The following SKA2 variants were observed in gnomAD, a reference collection of about 807,000 sequenced individuals.
SKA2 encodes spindle and kinetochore associated complex subunit 2, also known as spindle and kinetochore-associated protein 2.
A neutral mutation model predicts 16.9 loss-of-function variants in SKA2; 13 were observed. That is an observed-to-expected ratio of 0.77 (90% CI 0.50 to 1.22). The LOEUF (loss-of-function observed/expected upper bound fraction) is 1.22. Ranked by LOEUF, SKA2 falls within the 50% of genes most tolerant of loss-of-function variation. SKA2 has a pLI of 0.00. For missense variants in SKA2, 107 were observed against 139.7 expected (o/e 0.77, Z 1.18); for synonymous variants, 47 against 48.5 (o/e 0.97, Z 0.13).
intron 2 of SKA2, among the ~76,000 whole-genome samples, chr17:59,127,865 T>C (rs2057030133): frequency 6.6e-6 from 1 of 152,168 alleles, no homozygotes; most frequent in Non-Finnish European, 1.5e-5. Context: ...TGTATGTTCA[T>C]AGCAGCCAAA....
chr17:59,114,001 G>A (rs1434176196), intron 3 of SKA2, among the ~76,000 whole-genome samples: 1 of 152,028 alleles, frequency 6.6e-6, no homozygotes, highest in African/African-American at 2.4e-5. Flanking sequence ...ACAGCAAATG[G>A]CTTTAACGGT....
At chr17:59,141,477 G>A (rs1229989571) in intron 1 of SKA2, among the ~76,000 whole-genome samples, 6 of 152,056 alleles carry the variant, frequency 3.9e-5, no homozygotes, top group Non-Finnish European at 2.9e-5. Flanking sequence ...TGTAATCCTA[G>A]CACTTGGGGA....
chr17:59,118,052 G>A (rs2046308484), intron 3 of SKA2: 1 of 152,158 alleles, frequency 6.6e-6, no homozygotes, highest in South Asian at 2.1e-4. Context: ...ATCATCTGAG[G>A]TCAGGAGTTC....
In SKA2 at chr17:59,112,158, AG is replaced by A; in HGVS notation, c.*118del. 1 of 722,234 alleles carries A rather than the reference AG, an allele frequency of 1.4e-6. No individual in the cohort carries two copies. Among genetic ancestry groups the A allele is most frequent in the Non-Finnish European group, 2.4e-6 (1 of 423,758 alleles). The allele number at this position is 722,234 out of a possible 1,614,324, so 44.7% of individuals were successfully genotyped here. On this transcript the variant is annotated 3_prime_UTR_variant, in exon 4 of 4. Coordinates refer to ENST00000330137, the MANE Select transcript of SKA2 (RefSeq NM_182620.4). ...AAAGATATCATTATCCAGTCATTGA[AG>A]CCAAACCCCCTTCACCAGCCCCCAA...
chr17:59,127,017 A>C (rs1049570105), intron 2 of SKA2, among the ~76,000 whole-genome samples: 1 of 152,232 alleles, frequency 6.6e-6, no homozygotes, highest in African/African-American at 2.4e-5. Context: ...ACAAAAAGAC[A>C]AATATTATAT....
intron 2 of SKA2, among the ~76,000 whole-genome samples, chr17:59,124,974 C>CTTTT (rs35130048): frequency 5.2e-5 from 7 of 135,094 alleles, no homozygotes; most frequent in African/African-American, 1.4e-4. Flanking sequence ...CCACTACATT[C>CTTTT]TTTTTTTTTT....
chr17:59,131,537 T>C (rs1433091703), intron 1 of SKA2, among the ~76,000 whole-genome samples, 170 bp from the exon 2 acceptor site: 1 of 152,238 alleles, frequency 6.6e-6, no homozygotes, highest in African/African-American at 2.4e-5. Flanking sequence ...ATAATAACTA[T>C]GCTCTATGAA....
chr17:59,145,443 C>T (rs2046524893), intron 1 of SKA2, among the ~76,000 whole-genome samples: 1 of 152,118 alleles, frequency 6.6e-6, no homozygotes. Context: ...TTTGCCCTCT[C>T]CTTCAGTTGG....
At chr17:59,153,038 T>C (rs1392387561) in intron 1 of SKA2, among the ~76,000 whole-genome samples, 1 of 152,204 alleles carries the variant, frequency 6.6e-6, no homozygotes, top group Admixed American at 6.5e-5. Context: ...TTCAAAATGT[T>C]TACTTCATCA....
chr17:59,154,891 A>C, intron 1 of SKA2: 3 of 1,562,556 alleles, frequency 1.9e-6, no homozygotes, highest in Non-Finnish European at 2.6e-6. Context: ...AGGAATTCCA[A>C]AGGCCCCGCA....
intron 2 of SKA2, among the ~76,000 whole-genome samples, chr17:59,120,039 G>C (rs2046322057): frequency 6.6e-6 from 1 of 151,796 alleles, no homozygotes; most frequent in Non-Finnish European, 1.5e-5. Flanking sequence ...CTCCGGAGTA[G>C]CTGGGACTAC....
intron 1 of SKA2, among the ~76,000 whole-genome samples, chr17:59,137,015 TC>T (rs1182726580): frequency 6.6e-6 from 1 of 152,126 alleles, no homozygotes; most frequent in African/African-American, 2.4e-5. Flanking sequence ...AAATGTAAAT[TC>T]TTTTTTTTCT....
intron 2 of SKA2, among the ~76,000 whole-genome samples, chr17:59,130,101 AG>A (rs1689555145): frequency 6.6e-6 from 1 of 152,072 alleles, no homozygotes; most frequent in African/African-American, 2.4e-5. Flanking sequence ...AGAAAAGAAT[AG>A]GGAGCTAGAA....
intron 1 of SKA2, among the ~76,000 whole-genome samples, chr17:59,151,575 T>A (rs1402142602): frequency 1.3e-5 from 2 of 152,182 alleles, no homozygotes; most frequent in African/African-American, 4.8e-5. Context: ...ATATTTTTGT[T>A]CTCTGCAGAG....
chr17:59,154,184 A>AAG lies in SKA2; in HGVS notation c.33+946_33+947insCT, dbSNP rs369435263. On this transcript the variant is annotated intron_variant, in intron 1 of 3. Transcript: ENST00000330137. The stretch of plus-strand genomic sequence containing the variant: ...CAGCCCAACCTGGGAAAAAAAAAAA[A>AAG]AAAGAAAAGAAAAGAAAAAAAAGAT... 5.7e-4 allele frequency among the ~76,000 whole-genome samples: 85 copies of AAG among 149,418 alleles called. 3 individuals carry two copies. The South Asian group carries it at 0.014, about 25-fold the overall frequency.
In SKA2 at chr17:59,142,927, C is replaced by CAAAAA. The variant is rs111796693; in HGVS notation, c.34-11565_34-11561dup. The stretch of plus-strand genomic sequence containing the variant: ...GGGCAACAAGAGCGTAACCCCATCT[C>CAAAAA]AAAAAAAAAAAAAAAAAAAAAAGAG... On this transcript the variant is annotated intron_variant, in intron 1 of 3. Coordinates refer to ENST00000330137, the MANE Select transcript of SKA2 (RefSeq NM_182620.4). Among the ~76,000 whole-genome samples the CAAAAA allele has an allele frequency of 5.2e-3, 312 of 60,300 alleles. 1 individual carries two copies. Among genetic ancestry groups the CAAAAA allele is most frequent in the Non-Finnish European group, 8.7e-3 (252 of 28,822 alleles). The allele number at this position is 60,300 out of a possible 152,430, so 39.6% of individuals were successfully genotyped here. A position where few individuals can be genotyped will look rare whatever the true frequency, so the allele number is the denominator to read the frequency against.
intron 1 of SKA2, among the ~76,000 whole-genome samples, chr17:59,140,296 C>T (rs2046478147): frequency 1.3e-5 from 2 of 151,686 alleles, no homozygotes; most frequent in African/African-American, 4.9e-5. Flanking sequence ...ATGGCACGAT[C>T]TCAGCTCACT....
intron 1 of SKA2, among the ~76,000 whole-genome samples, chr17:59,132,438 C>T (rs1049351965): frequency 2.4e-4 from 37 of 152,164 alleles, no homozygotes; most frequent in East Asian, 1.9e-4. Context: ...CTGAGGCGGG[C>T]GGGTCACTTC....
intron 1 of SKA2, chr17:59,137,833 G>A (rs761572832): frequency 1.9e-6 from 1 of 529,654 alleles, no homozygotes; most frequent in South Asian, 1.4e-5. Flanking sequence ...ACACAGCAGA[G>A]ACAATATTGA....
Sources: gnomAD v4.1 joint callset for allele counts (sites outside exome capture counted in the v4.1 genomes callset) on GRCh38, gnomAD v4.1.1 for gene constraint, MANE v1.5 for transcripts, NCBI Gene and HGNC (gene_info 2026-07-23, HGNC 2026-07-21) for gene names.